ACSM5: variants seen among roughly 807,000 people sequenced by gnomAD.
ACSM5 encodes the protein acyl-coenzyme A synthetase ACSM5, mitochondrial.
ACSM5 carries 56 observed loss-of-function variants against 71.6 expected under a neutral mutation model. That is an observed-to-expected ratio of 0.78 (90% CI 0.63 to 0.98). ACSM5 has a LOEUF of 0.98. Ranked by LOEUF, ACSM5 falls within the 50% of genes least tolerant of loss-of-function variation. ACSM5 has a pLI of 0.00. For synonymous variants in ACSM5, 285 were observed against 281.5 expected (o/e 1.01, Z -0.12); for missense variants, 723 against 726.0 (o/e 1.00, Z 0.05).
At chr16:20,423,247 T>C (rs1439883579) in intron 5 of ACSM5, among the ~76,000 whole-genome samples, 1 of 152,134 alleles carries the variant, frequency 6.6e-6, no homozygotes, top group African/African-American at 2.4e-5. Flanking sequence ...GAACAGCCAA[T>C]GAAATGGGGA....
Position 20,431,951 on chromosome 16 carries a change from A to ATAAT in ACSM5, c.1308+630_1308+631insTAAT, listed in dbSNP as rs1212880644. On this transcript the variant is annotated intron_variant, in intron 10 of 13. Transcript: ENST00000331849. ...GGGAACGAGACTCCGTATCAAAAAA[A>ATAAT]AAAAATAATAATAATAATAAAATAA... 1.3e-4 allele frequency among the ~76,000 whole-genome samples: 19 copies of ATAAT among 141,600 alleles called. 1 individual carries two copies. The highest frequency in any genetic ancestry group is 2.2e-4 in the East Asian group (1 of 4,650). 92.9% of individuals were successfully genotyped at this position (141,600 alleles called of 152,430 possible). A position where few individuals can be genotyped will look rare whatever the true frequency, so the allele number is the denominator to read the frequency against.
chr16:20,426,130 G>A (rs1236320032), intron 6 of ACSM5, among the ~76,000 whole-genome samples: 1 of 152,110 alleles, frequency 6.6e-6, no homozygotes, highest in East Asian at 1.9e-4. Flanking sequence ...ATTCTTGCAG[G>A]AGTAAGCTGG....
At chr16:20,414,822 C>T (rs8044860) in intron 2 of ACSM5, among the ~76,000 whole-genome samples, 3,823 of 152,098 alleles carry the variant, frequency 0.025, 141 homozygotes, top group African/African-American at 0.082. Flanking sequence ...ATTTTGCTAG[C>T]GACACCTCAA....
rs373992893 is a variant in ACSM5, at chr16:20,427,772, C to G, written c.922-16C>G. The G allele has an allele frequency of 6.9e-6, 11 of 1,584,238 alleles. No homozygotes were observed. The highest frequency in any genetic ancestry group is 9.5e-6 in the Non-Finnish European group (11 of 1,153,064). On this transcript the variant is annotated splice_polypyrimidine_tract_variant and intron_variant, in intron 6 of 13. Transcript: ENST00000331849. ...AATGATTCTAAGGACATCTTTCACCCTTTGTTTTTGTTTAGACTCTCTCCA... is the reference window on the plus strand; with the variant it reads ...AATGATTCTAAGGACATCTTTCACCGTTTGTTTTTGTTTAGACTCTCTCCA...
chr16:20,436,793 AC>A (rs951803296), intron 10 of ACSM5, among the ~76,000 whole-genome samples: 2 of 151,758 alleles, frequency 1.3e-5, no homozygotes, highest in African/African-American at 4.8e-5. Context: ...TGCTTTCTAG[AC>A]CCCCTTCTAA....
At chr16:20,421,641 A>G (rs1287858696) in intron 5 of ACSM5, among the ~76,000 whole-genome samples, 7 of 141,810 alleles carry the variant, frequency 4.9e-5, no homozygotes, top group Admixed American at 1.4e-4. Flanking sequence ...ATATATATAT[A>G]TATATATATA....
chr16:20,424,616 G>A (rs1966942018), intron 6 of ACSM5, among the ~76,000 whole-genome samples: 1 of 152,150 alleles, frequency 6.6e-6, no homozygotes, highest in Non-Finnish European at 1.5e-5. Flanking sequence ...GAGATAAGCT[G>A]TATCACATGG....
At chr16:20,414,748 A>G (rs1596611009) in intron 2 of ACSM5, among the ~76,000 whole-genome samples, 1 of 152,342 alleles carries the variant, frequency 6.6e-6, no homozygotes, top group African/African-American at 2.4e-5. Context: ...AAGAATTTTG[A>G]GGAGCACGGA....
chr16:20,438,779 C>G (rs1967254368), intron 12 of ACSM5, among the ~76,000 whole-genome samples: 1 of 150,514 alleles, frequency 6.6e-6, no homozygotes, highest in Non-Finnish European at 1.5e-5. Context: ...CACAGTGAAA[C>G]CCCATCTCTA....
intron 4 of ACSM5, among the ~76,000 whole-genome samples, chr16:20,419,951 G>T (rs1966871078): frequency 6.6e-6 from 1 of 152,184 alleles, no homozygotes; most frequent in Non-Finnish European, 1.5e-5. Flanking sequence ...ATTGTGATGG[G>T]CCCTTTAACC....
chr16:20,434,382 T>A (rs1967155025), intron 10 of ACSM5, among the ~76,000 whole-genome samples: 2 of 152,204 alleles, frequency 1.3e-5, no homozygotes, highest in African/African-American at 4.8e-5. Flanking sequence ...TCTGTCATGC[T>A]AATTTTGTCA....
intron 10 of ACSM5, among the ~76,000 whole-genome samples, chr16:20,432,360 A>C (rs1967115412): frequency 6.6e-6 from 1 of 152,314 alleles, no homozygotes; most frequent in Admixed American, 6.5e-5. Context: ...CTAAGCTGTC[A>C]ATCAGCTACA....
chr16:20,426,433 C>A (rs2141652485), intron 6 of ACSM5, among the ~76,000 whole-genome samples: 1 of 152,242 alleles, frequency 6.6e-6, no homozygotes, highest in South Asian at 2.1e-4. Context: ...CATGAGGTTG[C>A]AATCAAGAGG....
chr16:20,409,924 G>C (rs942475488), intron 1 of ACSM5, among the ~76,000 whole-genome samples: 1 of 129,450 alleles, frequency 7.7e-6, no homozygotes, highest in Non-Finnish European at 1.6e-5. Flanking sequence ...AGAGGTGAGG[G>C]GCGGGAGAGG....
chr16:20,429,007 T>TTTTA (rs1025463433), intron 7 of ACSM5, among the ~76,000 whole-genome samples: 6 of 151,860 alleles, frequency 4.0e-5, no homozygotes, highest in African/African-American at 9.7e-5. Context: ...TTTCTTTTAT[T>TTTTA]TTTATTTATT....
intron 6 of ACSM5, 87 bp downstream of exon 6, chr16:20,424,156 C>A: frequency 6.7e-7 from 1 of 1,501,336 alleles, no homozygotes; most frequent in Non-Finnish European, 9.0e-7. Flanking sequence ...GGAGAAAACA[C>A]ATAAATCAGT....
chr16:20,440,101 T>C (rs1199313316), intron 13 of ACSM5, among the ~76,000 whole-genome samples, 182 bp downstream of exon 13: 1 of 151,702 alleles, frequency 6.6e-6, no homozygotes, highest in Non-Finnish European at 1.5e-5. Context: ...AAGCACATTT[T>C]GTTCCTACTC....
At chr16:20,427,622 T>G (rs1967009337) in intron 6 of ACSM5, among the ~76,000 whole-genome samples, 166 bp from the exon 7 acceptor site, 1 of 152,234 alleles carries the variant, frequency 6.6e-6, no homozygotes, top group Non-Finnish European at 1.5e-5. Flanking sequence ...AAGGTGCACA[T>G]GCCAGGAAGT....
At chr16:20,429,881 A>G in intron 8 of ACSM5, 80 bp downstream of exon 8, 9 of 1,546,278 alleles carry the variant, frequency 5.8e-6, no homozygotes, top group Non-Finnish European at 7.9e-6. Flanking sequence ...ACCTCCCTGA[A>G]GCTTCTCAGG....
Sources: allele counts gnomAD v4.1 joint callset (sites outside exome capture counted in the v4.1 genomes callset), GRCh38; gene constraint gnomAD v4.1.1; transcripts MANE v1.5; gene names NCBI Gene and HGNC (gene_info 2026-07-23, HGNC 2026-07-21).